Variants in RPS6KA2 observed in about 807,000 individuals in gnomAD.
The protein encoded by RPS6KA2 is ribosomal protein S6 kinase A2, also known as ribosomal protein S6 kinase alpha-2.
Under a neutral mutation model 91.8 loss-of-function variants are expected in RPS6KA2, and 42 were observed. The observed-to-expected ratio is 0.46, with a 90% CI of 0.36 to 0.59. The LOEUF is 0.59. RPS6KA2 is among the 20% of genes least tolerant of loss of function. The pLI is 0.00. For missense variants in RPS6KA2, 798 were observed against 978.5 expected (o/e 0.82, Z 2.46); for synonymous variants, 414 against 393.6 (o/e 1.05, Z -0.61).
intron 2 of RPS6KA2, among the ~76,000 whole-genome samples, chr6:166,741,892 C>T (rs955272904): frequency 5.3e-5 from 8 of 152,162 alleles, no homozygotes; most frequent in African/African-American, 1.7e-4. Context: ...TTTAAGAGGC[C>T]GAGGAAGGCG....
At position 166,433,240 on chromosome 6, in the gene RPS6KA2, GA is replaced by G. The variant is rs1267711899; in HGVS notation, c.1333-751del. Among the ~76,000 whole-genome samples the G allele has an allele frequency of 2.6e-5, 4 of 152,180 alleles. No individual in the cohort carries two copies. The highest frequency in any genetic ancestry group is 5.9e-5 in the Non-Finnish European group (4 of 68,028). ...ATGGCTCTCACCAAGAGATGCTGGG[GA>G]TGGTGCGCAGGCCAGACCTGCCTTG... On this transcript the variant is annotated intron_variant, in intron 14 of 20. Transcript: ENST00000265678. The surrounding 1 kb of genome is among the most constrained non-coding windows in gnomAD (Gnocchi z 4.4).
chr6:166,767,881 C>T lies in RPS6KA2; in HGVS notation c.123+90319G>A, dbSNP rs1239672676. Among the ~76,000 whole-genome samples the T allele has an allele frequency of 6.6e-6, 1 of 152,184 alleles. No homozygotes were observed. Among genetic ancestry groups the T allele is most frequent in the Non-Finnish European group, 1.5e-5 (1 of 68,042 alleles). ...GGATTGCTAACCATGGCAGAGCCTG[C>T]TCTCACTGTTTGGGTGCAAACCTTG... On this transcript the variant is annotated intron_variant, in intron 2 of 21. Transcript: ENST00000503859. The surrounding 1 kb of genome is among the most constrained non-coding windows in gnomAD (Gnocchi z 4.6).
intron 12 of RPS6KA2, among the ~76,000 whole-genome samples, chr6:166,456,339 G>A (rs533917188): frequency 6.6e-6 from 1 of 152,210 alleles, no homozygotes; most frequent in Non-Finnish European, 1.5e-5. Flanking sequence ...ATAATCACCT[G>A]AGGGATGCCG....
intron 1 of RPS6KA2, among the ~76,000 whole-genome samples, chr6:166,582,211 G>A (rs1410701362): frequency 6.6e-6 from 1 of 152,114 alleles, no homozygotes; most frequent in African/African-American, 2.4e-5. Context: ...ATGCCCATGG[G>A]CAGGTGGGGT....
intron 2 of RPS6KA2, among the ~76,000 whole-genome samples, chr6:166,829,251 T>C (rs6930935): frequency 0.019 from 2,863 of 152,272 alleles, 92 homozygotes; most frequent in African/African-American, 0.065. Context: ...TGTAAAATAG[T>C]ATAGCTGCTG....
chr6:166,857,036 G>A (rs1431402862), intron 2 of RPS6KA2, among the ~76,000 whole-genome samples: 14 of 152,210 alleles, frequency 9.2e-5, no homozygotes, highest in African/African-American at 2.9e-4. Flanking sequence ...CTGGATAAAC[G>A]TAAGGCAGCT....
intron 1 of RPS6KA2, chr6:166,586,090 A>G: frequency 5.0e-6 from 6 of 1,202,420 alleles, no homozygotes; most frequent in Non-Finnish European, 6.7e-6. Context: ...AACAGAGTAA[A>G]TGCTTTTACT....
upstream of RPS6KA2, among the ~76,000 whole-genome samples, chr6:166,630,583 G>A (rs2128545439): frequency 6.6e-6 from 1 of 152,354 alleles, no homozygotes; most frequent in Non-Finnish European, 1.5e-5. Context: ...AGGAAGTCGT[G>A]CTTTTCCGGA....
Position 166,612,342 on chromosome 6 carries a change from C to T in RPS6KA2, c.99+14579G>A, listed in dbSNP as rs1294741091. 1.3e-5 allele frequency among the ~76,000 whole-genome samples: 2 copies of T among 152,090 alleles called. No individual in the cohort carries two copies. Among genetic ancestry groups the T allele is most frequent in the East Asian group, 3.9e-4 (2 of 5,180 alleles). ...GGCTTCTCAGTGGTCTGCTCAGAGA[C>T]GTTTATCCTCCTTGCAGCTGGTGCA... is the stretch of plus-strand genomic sequence containing the variant. On this transcript the variant is annotated intron_variant, in intron 1 of 20. Transcript: ENST00000265678. The surrounding 1 kb of genome is among the most constrained non-coding windows in gnomAD (Gnocchi z 4.3).
rs572610536 is a variant in RPS6KA2, at chr6:166,513,579, C to G, written c.299-3222G>C. Reference sequence around the variant, plus strand: ...AGGAAGGAGACCCCTGCCTGCCCCGCTCCACTGGGTGAAGGCCTGGCGTAC... The same window carrying G: ...AGGAAGGAGACCCCTGCCTGCCCCGGTCCACTGGGTGAAGGCCTGGCGTAC... On this transcript the variant is annotated intron_variant, in intron 3 of 20. Transcript: ENST00000265678. Among the ~76,000 whole-genome samples, 6 of 152,354 alleles carry G rather than the reference C, an allele frequency of 3.9e-5. No homozygotes were observed. In the South Asian group the frequency reaches 1.2e-3, roughly 32 times the overall value.
upstream of RPS6KA2, among the ~76,000 whole-genome samples, chr6:166,628,326 TA>T (rs1267934210): frequency 1.3e-5 from 2 of 152,216 alleles, no homozygotes; most frequent in Non-Finnish European, 2.9e-5. Context: ...AGTTTGTATT[TA>T]AAAACAGGGA....
chr6:166,484,591 T>G (rs1487375689), intron 10 of RPS6KA2, among the ~76,000 whole-genome samples: 1 of 152,190 alleles, frequency 6.6e-6, no homozygotes, highest in Non-Finnish European at 1.5e-5. Flanking sequence ...AGGATGTGAT[T>G]CCAGGAGGTG....
chr6:166,597,040 A>T (rs761967669), intron 1 of RPS6KA2, among the ~76,000 whole-genome samples: 6 of 152,208 alleles, frequency 3.9e-5, no homozygotes, highest in Non-Finnish European at 7.3e-5. Context: ...TCATGGGAAC[A>T]GATGGAGAAA....
intron 2 of RPS6KA2, among the ~76,000 whole-genome samples, chr6:166,638,206 A>C (rs760546338): frequency 4.6e-5 from 7 of 152,258 alleles, no homozygotes; most frequent in Non-Finnish European, 1.0e-4. Flanking sequence ...CCTCAGACAC[A>C]GCTCCAAGGA....
At chr6:166,828,580 G>A (rs147192040) in intron 2 of RPS6KA2, among the ~76,000 whole-genome samples, 3 of 152,186 alleles carry the variant, frequency 2.0e-5, no homozygotes, top group Non-Finnish European at 2.9e-5. Flanking sequence ...CCTTAAAAGT[G>A]GTATCACTGA....
At chr6:166,517,896 G>A (rs773438557) in intron 3 of RPS6KA2, among the ~76,000 whole-genome samples, 7 of 152,076 alleles carry the variant, frequency 4.6e-5, no homozygotes, top group South Asian at 2.1e-4. Context: ...TTTATTTCCC[G>A]TAAGGAATAC....
At chr6:166,600,997 T>A (rs1379604133) in intron 1 of RPS6KA2, among the ~76,000 whole-genome samples, 1 of 152,172 alleles carries the variant, frequency 6.6e-6, no homozygotes, top group Non-Finnish European at 1.5e-5. Context: ...AAATCTCTTA[T>A]ACTCAGCTCA....
chr6:166,778,787 A>G (rs143168486), intron 2 of RPS6KA2, among the ~76,000 whole-genome samples: 2 of 152,316 alleles, frequency 1.3e-5, no homozygotes, highest in East Asian at 3.9e-4. Flanking sequence ...AGATTAACCC[A>G]TTAACTCATG....
chr6:166,599,035 T>C (rs1785639727), intron 1 of RPS6KA2, among the ~76,000 whole-genome samples: 1 of 152,144 alleles, frequency 6.6e-6, no homozygotes, highest in Admixed American at 6.6e-5. Context: ...GATCAAAATC[T>C]CTCCAGATAA....
Sources: gnomAD v4.1 joint callset for allele counts (sites outside exome capture counted in the v4.1 genomes callset) on GRCh38, gnomAD v4.1.1 for gene constraint, Gnocchi (gnomAD v3.1) non-coding constraint, MANE v1.5 for transcripts, NCBI Gene and HGNC (gene_info 2026-07-23, HGNC 2026-07-21) for gene names.